NEGR1: variants seen among roughly 807,000 people sequenced by gnomAD.
NEGR1 encodes IgLON family member 4.
Under a neutral mutation model 40.9 loss-of-function variants are expected in NEGR1, and 10 were observed. The ratio of observed to expected loss-of-function variants is 0.24; its 90% CI spans 0.15 to 0.42. The LOEUF (loss-of-function observed/expected upper bound fraction) is 0.42. NEGR1 is among the 10% of genes least tolerant of loss of function. The pLI, the probability that NEGR1 is intolerant of heterozygous loss-of-function variation, is 1.00. For synonymous variants in NEGR1, 185 were observed against 166.8 expected, an observed-to-expected ratio of 1.11 and a Z score of -0.84; for missense variants, 352 against 438.9, an observed-to-expected ratio of 0.80 and a Z score of 1.77.
At chr1:71,902,518 A>G (rs1004930462) in intron 2 of NEGR1, among the ~76,000 whole-genome samples, 2 of 152,214 alleles carry the variant, frequency 1.3e-5, no homozygotes, top group Non-Finnish European at 2.9e-5. Flanking sequence ...ACTGTCTTCA[A>G]TGTGATGACC....
chr1:72,259,252 C>T (rs554590671), intron 1 of NEGR1, among the ~76,000 whole-genome samples: 4 of 152,028 alleles, frequency 2.6e-5, no homozygotes, highest in Non-Finnish European at 4.4e-5. Context: ...TCAATTCAGT[C>T]GACATTAATT....
chr1:71,882,285 C>T (rs998876219), intron 2 of NEGR1, among the ~76,000 whole-genome samples: 2 of 152,068 alleles, frequency 1.3e-5, no homozygotes, highest in Non-Finnish European at 2.9e-5. Context: ...CTCAGTCCTG[C>T]GGAAGGCCCA....
intron 1 of NEGR1, among the ~76,000 whole-genome samples, chr1:71,999,174 T>A (rs1226708224): frequency 1.3e-5 from 2 of 151,942 alleles, no homozygotes; most frequent in East Asian, 3.9e-4. Context: ...CACAAAATTA[T>A]AGGGCTGAAA....
At chr1:71,687,070 T>G (rs1653064508) in intron 4 of NEGR1, among the ~76,000 whole-genome samples, 1 of 152,200 alleles carries the variant, frequency 6.6e-6, no homozygotes, top group African/African-American at 2.4e-5. Context: ...CACTTATTTG[T>G]TTAGACTAGG....
chr1:71,483,473 A>C (rs1646867588), intron 6 of NEGR1, among the ~76,000 whole-genome samples: 1 of 151,840 alleles, frequency 6.6e-6, no homozygotes, highest in Non-Finnish European at 1.5e-5. Flanking sequence ...TGAGTATTAC[A>C]GGTTAAGCTA....
intron 6 of NEGR1, among the ~76,000 whole-genome samples, chr1:71,473,368 G>A (rs1193527292): frequency 1.3e-5 from 2 of 152,106 alleles, no homozygotes; most frequent in Non-Finnish European, 2.9e-5. Context: ...GCAACTAGTG[G>A]ATGTCAGAAG....
chr1:71,917,943 C>A (rs926641047), intron 2 of NEGR1, among the ~76,000 whole-genome samples: 1 of 145,346 alleles, frequency 6.9e-6, no homozygotes. Flanking sequence ...TCATGCCTGG[C>A]GTGGTGGCTC....
intron 4 of NEGR1, among the ~76,000 whole-genome samples, chr1:71,657,238 T>C (rs1344946559): frequency 6.6e-6 from 1 of 152,236 alleles, no homozygotes; most frequent in Non-Finnish European, 1.5e-5. Flanking sequence ...GAATGGGCTC[T>C]AACAATGGTT....
intron 4 of NEGR1, among the ~76,000 whole-genome samples, chr1:71,678,606 T>C (rs1652723635): frequency 6.6e-6 from 1 of 152,104 alleles, no homozygotes; most frequent in African/African-American, 2.4e-5. Context: ...TACATGCATA[T>C]AACACCTATG....
chr1:71,851,249 A>C (rs1659590748), intron 2 of NEGR1, among the ~76,000 whole-genome samples: 1 of 152,148 alleles, frequency 6.6e-6, no homozygotes, highest in Non-Finnish European at 1.5e-5. Flanking sequence ...CACACAAATG[A>C]TCCCTGGTTT....
chr1:71,910,878 T>C lies in NEGR1; in HGVS notation c.409+24201A>G, dbSNP rs1389999161. Among the ~76,000 whole-genome samples, 5 of 152,150 alleles carry C rather than the reference T, an allele frequency of 3.3e-5. No homozygotes were observed. The South Asian group carries it at 1.0e-3, about 32-fold the overall frequency. ...AAGCCTGGCTAATTATCTTATTTTT[T>C]GTAGAGGGTAGGTTTCACCATGTTG... On this transcript the variant is annotated intron_variant, in intron 2 of 6. Coordinates refer to ENST00000357731, the MANE Select transcript of NEGR1 (RefSeq NM_173808.3).
chr1:71,861,354 T>A (rs4087845), intron 2 of NEGR1, among the ~76,000 whole-genome samples: 4,890 of 152,038 alleles, frequency 0.032, 259 homozygotes, highest in African/African-American at 0.11. Flanking sequence ...GGACTGCACA[T>A]CTCTTTGGAA....
At chr1:72,144,420 T>G (rs889115073) in intron 1 of NEGR1, among the ~76,000 whole-genome samples, 37 of 115,868 alleles carry the variant, frequency 3.2e-4, no homozygotes, top group Non-Finnish European at 5.9e-4. Flanking sequence ...CATAAAACTA[T>G]AAGAAACACT....
chr1:71,825,362 T>C (rs1319646166), intron 2 of NEGR1, among the ~76,000 whole-genome samples: 1 of 151,956 alleles, frequency 6.6e-6, no homozygotes, highest in Non-Finnish European at 1.5e-5. Context: ...AACTCATCTG[T>C]GTAGTTTTTA....
intron 1 of NEGR1, among the ~76,000 whole-genome samples, chr1:72,256,618 GAGA>G (rs1194599081): frequency 1.6e-4 from 24 of 152,118 alleles, no homozygotes; most frequent in African/African-American, 4.3e-4. Flanking sequence ...TTGCAGTTCA[GAGA>G]AGGAGAAGAA....
chr1:71,628,913 C>A (rs1650879763), intron 4 of NEGR1, among the ~76,000 whole-genome samples: 1 of 152,072 alleles, frequency 6.6e-6, no homozygotes, highest in African/African-American at 2.4e-5. Context: ...GATTTATAAT[C>A]ATTTGGGTAT....
intron 1 of NEGR1, among the ~76,000 whole-genome samples, chr1:72,145,939 C>G (rs986420162): frequency 6.6e-6 from 1 of 152,018 alleles, no homozygotes; most frequent in African/African-American, 2.4e-5. Flanking sequence ...GAATTACATA[C>G]CTTATAGTTT....
intron 5 of NEGR1, among the ~76,000 whole-genome samples, chr1:71,602,782 A>G (rs1285629009): frequency 6.6e-6 from 1 of 152,240 alleles, no homozygotes; most frequent in Admixed American, 6.5e-5. Flanking sequence ...TCTAAGTCAC[A>G]GGATATAAAC....
intron 1 of NEGR1, among the ~76,000 whole-genome samples, chr1:72,182,382 A>G (rs1652410388): frequency 6.6e-6 from 1 of 152,082 alleles, no homozygotes; most frequent in South Asian, 2.1e-4. Flanking sequence ...TTAGTCAGTT[A>G]CTTGGGAGGC....
Sources: allele counts gnomAD v4.1 joint callset (sites outside exome capture counted in the v4.1 genomes callset), GRCh38; gene constraint gnomAD v4.1.1; transcripts MANE v1.5; gene names NCBI Gene and HGNC (gene_info 2026-07-23, HGNC 2026-07-21).